FMNL1: variants seen among roughly 807,000 people sequenced by gnomAD.
The protein encoded by FMNL1 is formin like 1, also known as formin-like protein 1.
Under a neutral mutation model 121.3 loss-of-function variants are expected in FMNL1, and 43 were observed. The observed-to-expected ratio is 0.35, with a 90% CI of 0.28 to 0.46. The LOEUF (loss-of-function observed/expected upper bound fraction) is 0.46. Among genes scored for constraint, FMNL1 ranks in the 20% least tolerant of loss-of-function variants. The pLI is 1.00. For missense variants in FMNL1, 1,191 were observed against 1,482.4 expected, an observed-to-expected ratio of 0.80 and a Z score of 3.23; for synonymous variants, 613 against 613.5, an observed-to-expected ratio of 1.00 and a Z score of 0.01.
At position 45,242,394 on chromosome 17, in the gene FMNL1, T is replaced by C; in HGVS notation, c.1939T>C (p.Trp647Arg). The C allele has an allele frequency of 6.2e-7, 1 of 1,614,120 alleles. No individual in the cohort carries two copies. The highest frequency in any genetic ancestry group is 8.5e-7 in the Non-Finnish European group (1 of 1,179,970). ...TAAGTTCCGAATGCCACTCTTGAAC[T>C]GGGTGGCACTGAAACCCAGCCAGAT... ...QTKFRMPLLN[W>R]VALKPSQITG... Residue 647 changes from tryptophan (W) to arginine (R), a missense_variant, in exon 16 of 27, where the codon TGG (tryptophan) becomes CGG (arginine). This residue lies in a region of FMNL1 where 519 missense variants were observed against 492.8 expected (regional missense o/e 1.05). Transcript: ENST00000331495.
chr17:45,244,064 G>C (rs748828517), intron 18 of FMNL1, 39 bp downstream of exon 18: 2 of 1,599,138 alleles, frequency 1.3e-6, no homozygotes, highest in Non-Finnish European at 1.7e-6. Flanking sequence ...ACTTGGGAGG[G>C]GATGGGCAGG....
In FMNL1 at chr17:45,245,414, C is replaced by T; in HGVS notation, c.2890C>T (p.Gln964Ter). The change falls in exon 22 of 27, where the codon CAG becomes TAG. Residue 964 changes from glutamine (Q) to a stop codon, truncating the protein, a stop_gained and splice_region_variant. Transcript: ENST00000331495. LOFTEE classifies it high-confidence loss of function. ...GCTGCTGGCAGACAGCAAGACGGCT[C>T]AGGTGCGCCAGGGCTGGCCTCACCT... ...DKLLADSKTA[Q>*]EAFESVVEYF... 6.2e-7 allele frequency: 1 copy of T among 1,614,076 alleles called. No individual in the cohort carries two copies. Among genetic ancestry groups the T allele is most frequent in the Non-Finnish European group, 8.5e-7 (1 of 1,180,010 alleles).
chr17:45,241,330 TG>T lies in FMNL1; in HGVS notation c.1333-50del. 1 of 1,593,344 alleles carries T rather than the reference TG, an allele frequency of 6.3e-7. No homozygotes were observed. Among genetic ancestry groups the T allele is most frequent in the Non-Finnish European group, 8.5e-7 (1 of 1,169,726 alleles). ...CCACCCCGGGAAGAAGATGGAGGCT[TG>T]GTGCCAAGGAGCCTGCTGGTGGGCA... On this transcript the variant is annotated intron_variant, in intron 13 of 26. Transcript: ENST00000331495. This position sits in a 1 kb window ranked among gnomAD's most constrained non-coding sequence, Gnocchi z 7.0.
intron 1 of FMNL1, among the ~76,000 whole-genome samples, chr17:45,227,295 C>A (rs1481764302): frequency 2.0e-5 from 3 of 152,030 alleles, no homozygotes; most frequent in Non-Finnish European, 4.4e-5. Context: ...GACGCAGCCC[C>A]TTCAGCCTCC....
At chr17:45,224,142 T>TCC (rs2043286009) in intron 1 of FMNL1, among the ~76,000 whole-genome samples, 1 of 152,112 alleles carries the variant, frequency 6.6e-6, no homozygotes, top group Non-Finnish European at 1.5e-5. Flanking sequence ...CCCCAGTGTG[T>TCC]TTATACCTTC....
rs1470901643 is a variant in FMNL1, at chr17:45,240,627, T to A, written c.1230+2T>A. On this transcript the variant is annotated splice_donor_variant, in intron 12 of 26. Transcript: ENST00000331495. LOFTEE classifies it high-confidence loss of function. ...GAACTGCAGGAGCAAGTGGCGCTGG[T>A]GAGAGTGGGTCCTGACCCCAGCCCA... The A allele has an allele frequency of 6.2e-7, 1 of 1,612,380 alleles. No individual in the cohort carries two copies. The highest frequency in any genetic ancestry group is 8.5e-7 in the Non-Finnish European group (1 of 1,179,470).
In FMNL1 at chr17:45,237,800, T is replaced by C. The variant is rs1021705446; in HGVS notation, c.894+161T>C. On this transcript the variant is annotated intron_variant, in intron 9 of 26. Transcript: ENST00000331495. This position sits in a 1 kb window ranked among gnomAD's most constrained non-coding sequence, Gnocchi z 4.4. ...TTGAGCCACATCACTGGCTCAGCAA[T>C]CTGGGATGGGGAAGTTCTGAATGGA... is the stretch of plus-strand genomic sequence containing the variant. Among the ~76,000 whole-genome samples the C allele has an allele frequency of 6.6e-6, 1 of 152,062 alleles. No homozygotes were observed. The highest frequency in any genetic ancestry group is 6.6e-5 in the Admixed American group (1 of 15,266).
At chr17:45,238,738 C>T in intron 10 of FMNL1, 100 bp downstream of exon 10, 1 of 1,457,414 alleles carries the variant, frequency 6.9e-7, no homozygotes, top group Non-Finnish European at 9.5e-7. Flanking sequence ...TCTGCCCCCG[C>T]AAAGCGTAAG....
Position 45,247,181 on chromosome 17 carries a change from C to G in FMNL1, c.*323C>G. 1.8e-6 allele frequency: 1 copy of G among 562,880 alleles called. No individual in the cohort carries two copies. Among genetic ancestry groups the G allele is most frequent in the Non-Finnish European group, 3.2e-6 (1 of 314,194 alleles). 34.9% of individuals were successfully genotyped at this position (562,880 alleles called of 1,614,324 possible). On this transcript the variant is annotated 3_prime_UTR_variant, in exon 27 of 27. Transcript: ENST00000331495. ...GCTTGCAGCACCCACCCTAAAGCCC[C>G]CTCCAAATAGCCATACTTAGCCTCA... is the stretch of plus-strand genomic sequence containing the variant.
chr17:45,243,428 C>T, intron 17 of FMNL1, 108 bp downstream of exon 17: 1 of 1,292,832 alleles, frequency 7.7e-7, no homozygotes, highest in Admixed American at 2.3e-5. Flanking sequence ...TTTCATCAGG[C>T]TTCATACCAA....
At chr17:45,246,131 C>G in intron 24 of FMNL1, 79 bp from the exon 25 acceptor site, 2 of 1,550,430 alleles carry the variant, frequency 1.3e-6, no homozygotes, top group Non-Finnish European at 1.7e-6. Context: ...GCTGTCCTTG[C>G]TGTGGGGGAC....
chr17:45,244,818 G>T lies in FMNL1; in HGVS notation c.2518-1G>T. 6.2e-7 allele frequency: 1 copy of T among 1,610,820 alleles called. No homozygotes were observed. ...CTGAGCCTTTCTCCTGCCTCTCCCA[G>T]ATTGTCCTGGCCTTTGGCAACTACA... On this transcript the variant is annotated splice_acceptor_variant, in intron 19 of 26. Coordinates refer to ENST00000331495, the MANE Select transcript of FMNL1 (RefSeq NM_005892.4). LOFTEE classifies it high-confidence loss of function.
intron 1 of FMNL1, among the ~76,000 whole-genome samples, chr17:45,229,090 G>A (rs1313873093): frequency 6.6e-6 from 1 of 152,232 alleles, no homozygotes; most frequent in Non-Finnish European, 1.5e-5. Flanking sequence ...AGCTGTCCTG[G>A]CCCTTGGAGG....
In FMNL1 at chr17:45,232,055, T is replaced by A. The variant is rs140150734; in HGVS notation, c.214-312T>A. On this transcript the variant is annotated intron_variant, in intron 2 of 26. Transcript: ENST00000331495. ...TGGGCGTGGTGGTGCACACCCGTAG[T>A]CCCAGCTACCTGGGAGGCTGAGGTA... Among the ~76,000 whole-genome samples the A allele has an allele frequency of 2.0e-4, 31 of 152,222 alleles. No individual in the cohort carries two copies. In the East Asian group the frequency reaches 5.8e-3, roughly 28 times the overall value.
chr17:45,244,723 C>T, intron 19 of FMNL1, 96 bp from the exon 20 acceptor site: 2 of 1,300,070 alleles, frequency 1.5e-6, no homozygotes, highest in South Asian at 1.4e-5. Context: ...GTGTGTGGGG[C>T]CTGCTCCTTG....
chr17:45,227,874 G>A (rs1414901327), intron 1 of FMNL1, among the ~76,000 whole-genome samples: 1 of 152,186 alleles, frequency 6.6e-6, no homozygotes, highest in Non-Finnish European at 1.5e-5. Flanking sequence ...AAGCTGTAGG[G>A]CTAGTTGGGC....
At chr17:45,238,491 C>T in intron 9 of FMNL1, 73 bp from the exon 10 acceptor site, 2 of 1,517,892 alleles carry the variant, frequency 1.3e-6, no homozygotes, top group Non-Finnish European at 9.1e-7. Flanking sequence ...TGTTGAAGCA[C>T]AGGTGTGGCA....
chr17:45,227,045 G>C (rs2043342780), intron 1 of FMNL1, among the ~76,000 whole-genome samples: 1 of 152,144 alleles, frequency 6.6e-6, no homozygotes, highest in African/African-American at 2.4e-5. Flanking sequence ...CCATATAGAG[G>C]TGGGCAGGTG....
rs371426654 is a variant in FMNL1 at position 45,243,894 on chromosome 17, C to A, written c.2317C>A (p.Arg773=). ...CATCACCCGCTTTGAGCGGGAGCAGCGGCCAATGGAGGAGCTGTCAGAGGA... is the reference window on the plus strand; with the variant it reads ...CATCACCCGCTTTGAGCGGGAGCAGAGGCCAATGGAGGAGCTGTCAGAGGA... ...SLITRFEREQ[R]PMEELSEEDR... is the part of the protein sequence containing the mutation. Residue 773 remains arginine (R), a synonymous_variant, in exon 18 of 27, where the codon CGG becomes AGG. Coordinates refer to ENST00000331495, the MANE Select transcript of FMNL1 (RefSeq NM_005892.4). The A allele has an allele frequency of 9.9e-6, 16 of 1,613,876 alleles. No individual in the cohort carries two copies. The highest frequency in any genetic ancestry group is 1.4e-5 in the Non-Finnish European group (16 of 1,180,032).
Sources: allele counts gnomAD v4.1 joint callset (sites outside exome capture counted in the v4.1 genomes callset), GRCh38; gene constraint gnomAD v4.1.1; regional missense constraint gnomAD v4.1.1; non-coding constraint Gnocchi (gnomAD v3.1); transcripts MANE v1.5; gene names NCBI Gene and HGNC (gene_info 2026-07-23, HGNC 2026-07-21).